Variants in ADCY2 observed in about 807,000 individuals in gnomAD.
ADCY2 encodes the protein adenylate cyclase 2.
A neutral mutation model predicts 125.2 loss-of-function variants in ADCY2; 31 were observed. That is an observed-to-expected ratio of 0.25 (90% CI 0.19 to 0.33). The LOEUF is 0.33. Ranked by LOEUF, ADCY2 falls within the 10% of genes least tolerant of loss-of-function variation. The probability of loss-of-function intolerance (pLI) is 1.00; values close to 1 mark genes in which losing one functional copy is unlikely to be tolerated. For synonymous variants in ADCY2, 512 were observed against 548.4 expected (o/e 0.93, Z 0.93); for missense variants, 904 against 1,418.2 (o/e 0.64, Z 5.82).
At chr5:7,596,569 C>T (rs958529399) in intron 3 of ADCY2, among the ~76,000 whole-genome samples, 3 of 152,196 alleles carry the variant, frequency 2.0e-5, no homozygotes, top group African/African-American at 7.2e-5. Context: ...GCTCTGGAGT[C>T]AGGCTGTGCA....
At chr5:7,677,463 G>A (rs532374181) in intron 4 of ADCY2, among the ~76,000 whole-genome samples, 4 of 152,152 alleles carry the variant, frequency 2.6e-5, no homozygotes, top group African/African-American at 4.8e-5. Context: ...ACAGGAAATA[G>A]GGTAGTGACT....
At chr5:7,659,201 T>C (rs1291844921) in intron 4 of ADCY2, among the ~76,000 whole-genome samples, 1 of 152,272 alleles carries the variant, frequency 6.6e-6, no homozygotes, top group East Asian at 1.9e-4. Flanking sequence ...CTTTTCAGCA[T>C]AGGTATGGTT....
At chr5:7,769,307 A>G (rs1406349762) in intron 17 of ADCY2, among the ~76,000 whole-genome samples, 1 of 152,266 alleles carries the variant, frequency 6.6e-6, no homozygotes, top group Non-Finnish European at 1.5e-5. Context: ...TTTTATTGTA[A>G]CACACGATAA....
intron 2 of ADCY2, among the ~76,000 whole-genome samples, chr5:7,434,028 G>A (rs1415879692): frequency 6.6e-6 from 1 of 152,110 alleles, no homozygotes; most frequent in Admixed American, 6.6e-5. Context: ...TCAAAAAAGT[G>A]CAGAGGGAAA....
rs529071305 is a variant in ADCY2 at position 7,552,456 on chromosome 5, G to A, written c.570+31557G>A. Among the ~76,000 whole-genome samples, 109 of 152,154 alleles carry A rather than the reference G, an allele frequency of 7.2e-4. 5 individuals carry two copies. The South Asian group carries it at 0.02, about 28-fold the overall frequency. ...AAATCTTTTTTCTTTCTTTTGCTGAGGAAATAAAATCATCCACATACTGTA... is the reference window on the plus strand; with the variant it reads ...AAATCTTTTTTCTTTCTTTTGCTGAAGAAATAAAATCATCCACATACTGTA... On this transcript the variant is annotated intron_variant, in intron 3 of 24. Transcript: ENST00000338316.
At chr5:7,704,387 C>A (rs1001628039) in intron 7 of ADCY2, among the ~76,000 whole-genome samples, 13 of 152,280 alleles carry the variant, frequency 8.5e-5, no homozygotes, top group African/African-American at 2.9e-4. Flanking sequence ...TGGAACATTT[C>A]CAATGCTTAG....
chr5:7,769,916 T>C (rs976236200), intron 17 of ADCY2, among the ~76,000 whole-genome samples: 1 of 152,356 alleles, frequency 6.6e-6, no homozygotes, highest in South Asian at 2.1e-4. Flanking sequence ...TACACTCCAA[T>C]AGAAGTCGGT....
intron 3 of ADCY2, among the ~76,000 whole-genome samples, chr5:7,543,694 C>A (rs4235580): frequency 0.98 from 149,223 of 152,168 alleles, 73,229 homozygotes; most frequent in East Asian, 1. Flanking sequence ...ATGCACTCAT[C>A]AATAGCAGGG....
At chr5:7,543,723 C>T (rs1735064646) in intron 3 of ADCY2, among the ~76,000 whole-genome samples, 1 of 151,930 alleles carries the variant, frequency 6.6e-6, no homozygotes, top group Admixed American at 6.6e-5. Context: ...AAAAATGTCC[C>T]CATTGGCCAG....
rs1309785912 is a variant in ADCY2 at position 7,712,992 on chromosome 5, A to T, written c.1622+93A>T. The T allele has an allele frequency of 9.2e-6, 9 of 983,256 alleles. No homozygotes were observed. The Admixed American group carries it at 1.3e-4, about 14-fold the overall frequency. The allele number at this position is 983,256 out of a possible 1,614,324, so 60.9% of individuals were successfully genotyped here. A position where few individuals can be genotyped will look rare whatever the true frequency, so the allele number is the denominator to read the frequency against. ...ATCAATTATGGTAATTTCAAGGGCT[A>T]CTTCTGAAAGAGCAGCTCCCCCTGA... is the stretch of plus-strand genomic sequence containing the variant. On this transcript the variant is annotated intron_variant, in intron 11 of 24. Coordinates refer to ENST00000338316, the MANE Select transcript of ADCY2 (RefSeq NM_020546.3).
chr5:7,461,240 A>G (rs1468646377), intron 2 of ADCY2, among the ~76,000 whole-genome samples: 1 of 152,206 alleles, frequency 6.6e-6, no homozygotes, highest in Non-Finnish European at 1.5e-5. Context: ...ATATGATTAC[A>G]TCTATCAGGA....
rs568938049 is a variant in ADCY2 at position 7,481,512 on chromosome 5, T to C, written c.409-39226T>C. On this transcript the variant is annotated intron_variant, in intron 2 of 24. Transcript: ENST00000338316. ...TCGATCTCTTGACCTCATGATCCGC[T>C]TGCCTCGGCCTCCCAAAGTGCTGGG... Among the ~76,000 whole-genome samples, 74 of 152,180 alleles carry C rather than the reference T, an allele frequency of 4.9e-4. 2 individuals carry two copies. The Middle Eastern group carries it at 0.014, about 28-fold the overall frequency.
At chr5:7,543,775 A>T (rs946076962) in intron 3 of ADCY2, among the ~76,000 whole-genome samples, 6 of 152,014 alleles carry the variant, frequency 3.9e-5, no homozygotes, top group Admixed American at 6.6e-5. Flanking sequence ...GCACTTTGGG[A>T]GGCCGAGGTG....
chr5:7,608,658 T>C lies in ADCY2; in HGVS notation c.571-17509T>C, dbSNP rs563464993. 5.9e-5 allele frequency among the ~76,000 whole-genome samples: 9 copies of C among 152,330 alleles called. No homozygotes were observed. In the South Asian group the frequency reaches 1.9e-3, roughly 32 times the overall value. On this transcript the variant is annotated intron_variant, in intron 3 of 24. Transcript: ENST00000338316. Reference sequence around the variant, plus strand: ...TAGACTCCCTCCTAAGGAAACTCTTTAGATATTTTTATTCCTACCTGGCCC... The same window carrying C: ...TAGACTCCCTCCTAAGGAAACTCTTCAGATATTTTTATTCCTACCTGGCCC...
chr5:7,556,760 G>A (rs1198385309), intron 3 of ADCY2, among the ~76,000 whole-genome samples: 1 of 152,124 alleles, frequency 6.6e-6, no homozygotes, highest in Non-Finnish European at 1.5e-5. Flanking sequence ...TCTCATAAGA[G>A]CGGGAACCCT....
chr5:7,585,631 G>C (rs1328072759), intron 3 of ADCY2, among the ~76,000 whole-genome samples: 1 of 152,162 alleles, frequency 6.6e-6, no homozygotes, highest in Admixed American at 6.5e-5. Context: ...ACAATAAACA[G>C]TTAATAGTTC....
At chr5:7,590,034 G>A (rs2126624173) in intron 3 of ADCY2, among the ~76,000 whole-genome samples, 1 of 152,216 alleles carries the variant, frequency 6.6e-6, no homozygotes, top group East Asian at 1.9e-4. Flanking sequence ...GGTACGTCTG[G>A]CTGCTGGAGA....
At chr5:7,459,478 C>T (rs1238910677) in intron 2 of ADCY2, among the ~76,000 whole-genome samples, 1 of 152,168 alleles carries the variant, frequency 6.6e-6, no homozygotes, top group African/African-American at 2.4e-5. Flanking sequence ...GTTTCGAAGA[C>T]AGTTTTGAGA....
chr5:7,709,287 G>A lies in ADCY2; in HGVS notation c.1478G>A (p.Arg493His), dbSNP rs866989574. ...GGAGCCAAAATGAGGGCCTCGGTCCGCATGACCCGGTACTTGGAGTCCTGG... is the reference window on the plus strand; with the variant it reads ...GGAGCCAAAATGAGGGCCTCGGTCCACATGACCCGGTACTTGGAGTCCTGG... The part of the protein sequence containing the change: ...LDGAKMRASV[R>H]MTRYLESWGA... Residue 493 changes from arginine to histidine, a missense_variant, in exon 10 of 25, where the codon CGC (arginine) becomes CAC (histidine). Around this residue, in one of 7 missense-constraint regions of ADCY2, gnomAD observed 144 missense variants for 227.7 expected, o/e 0.63. Transcript: ENST00000338316. This position sits in a 1 kb window ranked among gnomAD's most constrained non-coding sequence, Gnocchi z 4.4. The A allele has an allele frequency of 6.2e-7, 1 of 1,613,690 alleles. No homozygotes were observed. Among genetic ancestry groups the A allele is most frequent in the Non-Finnish European group, 8.5e-7 (1 of 1,179,862 alleles).
Sources: gnomAD v4.1 joint callset for allele counts (sites outside exome capture counted in the v4.1 genomes callset) on GRCh38, gnomAD v4.1.1 for gene constraint, gnomAD v4.1.1 regional missense constraint, Gnocchi (gnomAD v3.1) non-coding constraint, MANE v1.5 for transcripts, NCBI Gene and HGNC (gene_info 2026-07-23, HGNC 2026-07-21) for gene names.